Variants in TEX264 observed in about 807,000 individuals in gnomAD.
TEX264 encodes testis-expressed protein 264.
TEX264 carries 13 observed loss-of-function variants against 23.4 expected under a neutral mutation model. The observed-to-expected ratio is 0.56, with a 90% CI of 0.36 to 0.88. TEX264 has a LOEUF of 0.88. Ranked by LOEUF, TEX264 falls within the 40% of genes least tolerant of loss-of-function variation. The pLI, the probability that TEX264 is intolerant of heterozygous loss-of-function variation, is 0.01. For missense variants in TEX264, 340 were observed against 406.8 expected (o/e 0.84, Z 1.41); for synonymous variants, 159 against 170.0 (o/e 0.94, Z 0.50).
intron 3 of TEX264, among the ~76,000 whole-genome samples, chr3:51,697,226 G>A (rs1004342638): frequency 5.3e-4 from 81 of 152,244 alleles, no homozygotes; most frequent in Admixed American, 1.3e-4. Flanking sequence ...GCCTGCCAAC[G>A]AGGGGGCTGG....
At chr3:51,694,068 TC>T (rs1405488640) in intron 3 of TEX264, among the ~76,000 whole-genome samples, 4 of 112,930 alleles carry the variant, frequency 3.5e-5, no homozygotes, top group South Asian at 3.8e-4. Context: ...TCCCTTCCCT[TC>T]CCCTTCCTTC....
chr3:51,674,508 C>T lies in TEX264; in HGVS notation c.204C>T (p.Cys68=), dbSNP rs1482693140. The T allele has an allele frequency of 6.2e-7, 1 of 1,614,212 alleles. No individual in the cohort carries two copies. The stretch of plus-strand genomic sequence containing the variant: ...CTGGGCGGCTTTTCACTGAGAGCTG[C>T]AGCATCTCTCCCAAGCTCCGCTCCA... ...GETGRLFTES[C]SISPKLRSIA... The change falls in exon 2 of 5, where the codon TGC becomes TGT. Residue 68 remains cysteine, a synonymous_variant. Coordinates refer to ENST00000341333, the MANE Select transcript of TEX264 (RefSeq NM_015926.6).
At chr3:51,689,917 T>C (rs904570104) in intron 3 of TEX264, among the ~76,000 whole-genome samples, 2 of 152,140 alleles carry the variant, frequency 1.3e-5, no homozygotes, top group African/African-American at 4.8e-5. Context: ...CCTGGGGAGC[T>C]GCAGGTTGGA....
At chr3:51,674,612 G>T in intron 2 of TEX264, 50 bp downstream of exon 2, 1 of 1,593,312 alleles carries the variant, frequency 6.3e-7, no homozygotes. Context: ...TGGTGGGCCA[G>T]GGCTTCTTTG....
chr3:51,681,748 A>T (rs962901551), intron 2 of TEX264: 4 of 152,222 alleles, frequency 2.6e-5, no homozygotes, highest in African/African-American at 9.7e-5. Context: ...GCAGACACTC[A>T]GTTGGTGCCT....
chr3:51,688,933 C>A (rs1490201483), intron 3 of TEX264, among the ~76,000 whole-genome samples: 1 of 151,754 alleles, frequency 6.6e-6, no homozygotes. Context: ...TCCAGACCAG[C>A]CTGGGCAACA....
At chr3:51,672,543 G>C (rs1031907433) in intron 1 of TEX264, among the ~76,000 whole-genome samples, 2 of 152,210 alleles carry the variant, frequency 1.3e-5, no homozygotes, top group African/African-American at 4.8e-5. Context: ...GCAAGTGGGG[G>C]CCTAGATGCT....
chr3:51,674,185 A>T, intron 1 of TEX264, 86 bp from the exon 2 acceptor site: 2 of 1,434,356 alleles, frequency 1.4e-6, no homozygotes, highest in Non-Finnish European at 1.9e-6. Context: ...AGGTCTGAGG[A>T]GGTTGGGCCA....
chr3:51,685,399 CGTT>C (rs774342405), intron 3 of TEX264, among the ~76,000 whole-genome samples: 5 of 152,134 alleles, frequency 3.3e-5, no homozygotes, highest in Non-Finnish European at 7.3e-5. Context: ...GTGAATGAAA[CGTT>C]GGTGCATGAA....
At position 51,684,316 on chromosome 3, in the gene TEX264, G is replaced by T. The variant is rs773820347; in HGVS notation, c.259-97G>T. On this transcript the variant is annotated intron_variant, in intron 2 of 4. Transcript: ENST00000341333. ...GCTGCATGGCTTGTCAGAGCTGCTG[G>T]TTCTTTTAGGCCTGATCTGGCACAG... 109 of 1,123,276 alleles carry T rather than the reference G, an allele frequency of 9.7e-5. No homozygotes were observed. The African/African-American group carries it at 1.6e-3, about 16-fold the overall frequency. 69.6% of individuals were successfully genotyped at this position (1,123,276 alleles called of 1,614,324 possible).
At chr3:51,687,745 C>T (rs144132017) in intron 3 of TEX264, among the ~76,000 whole-genome samples, 1 of 152,232 alleles carries the variant, frequency 6.6e-6, no homozygotes, top group Non-Finnish European at 1.5e-5. Flanking sequence ...GTGAATGGAT[C>T]TTAGCTTCGG....
In TEX264 at chr3:51,684,380, G is replaced by A. The variant is rs371867561; in HGVS notation, c.259-33G>A. On this transcript the variant is annotated intron_variant, in intron 2 of 4. Transcript: ENST00000341333. ...GAGGTCTGAGGGCCTCCTTCCTTTGGCCAACTCTCACACCCATGCTTTGCT... is the reference window on the plus strand; with the variant it reads ...GAGGTCTGAGGGCCTCCTTCCTTTGACCAACTCTCACACCCATGCTTTGCT... 4.4e-6 allele frequency: 7 copies of A among 1,604,534 alleles called. No homozygotes were observed. In the African/African-American group the frequency reaches 5.4e-5, roughly 12 times the overall value.
intron 4 of TEX264, among the ~76,000 whole-genome samples, chr3:51,701,698 C>G (rs1703311000): frequency 6.6e-6 from 1 of 152,114 alleles, no homozygotes; most frequent in South Asian, 2.1e-4. Context: ...ATGGCATGAT[C>G]TTGGCTCACT....
chr3:51,696,955 G>A (rs975570888), intron 3 of TEX264, among the ~76,000 whole-genome samples: 1 of 152,222 alleles, frequency 6.6e-6, no homozygotes, highest in South Asian at 2.1e-4. Context: ...GCAGGCTCTG[G>A]GACCTGGTGC....
intron 3 of TEX264, 150 bp from the exon 4 acceptor site, chr3:51,699,256 C>A: frequency 2.7e-6 from 2 of 739,448 alleles, no homozygotes; most frequent in East Asian, 2.6e-5. Flanking sequence ...GTGTGCCTCC[C>A]TCAGCAGGGC....
At position 51,703,746 on chromosome 3, in the gene TEX264, G is replaced by A. The variant is rs1162492751; in HGVS notation, c.672G>A (p.Thr224=). ...DGTGADTMSD[T]SSVSLEVSPG... The stretch of plus-strand genomic sequence containing the variant: ...TAGGAGCTGACACAATGAGTGACAC[G>A]AGTTCTGTAAGCTTGGAAGTGAGCC... Residue 224 remains threonine (T), a synonymous_variant, in exon 5 of 5, where the codon ACG becomes ACA. Coordinates refer to ENST00000341333, the MANE Select transcript of TEX264 (RefSeq NM_015926.6). This position sits in a 1 kb window ranked among gnomAD's most constrained non-coding sequence, Gnocchi z 4.8. 8.8e-6 allele frequency: 14 copies of A among 1,594,322 alleles called. No individual in the cohort carries two copies. Among genetic ancestry groups the A allele is most frequent in the East Asian group, 2.3e-5 (1 of 44,362 alleles).
intron 1 of TEX264, among the ~76,000 whole-genome samples, chr3:51,673,375 G>T (rs1436401239): frequency 6.6e-6 from 1 of 152,198 alleles, no homozygotes; most frequent in Non-Finnish European, 1.5e-5. Flanking sequence ...TAGGCAGCCT[G>T]CCTTGAATAG....
At chr3:51,698,813 G>A (rs1559683464) in intron 3 of TEX264, among the ~76,000 whole-genome samples, 1 of 152,194 alleles carries the variant, frequency 6.6e-6, no homozygotes, top group Non-Finnish European at 1.5e-5. Context: ...AACTAGCAGG[G>A]GAATGAATGG....
intron 2 of TEX264, among the ~76,000 whole-genome samples, chr3:51,676,237 G>A (rs779172538): frequency 7.2e-5 from 11 of 152,244 alleles, no homozygotes; most frequent in Non-Finnish European, 1.3e-4. Flanking sequence ...AAGAGTCCTT[G>A]CAGCTGGCTG....
Sources: allele counts gnomAD v4.1 joint callset (sites outside exome capture counted in the v4.1 genomes callset), GRCh38; gene constraint gnomAD v4.1.1; non-coding constraint Gnocchi (gnomAD v3.1); transcripts MANE v1.5; gene names NCBI Gene and HGNC (gene_info 2026-07-23, HGNC 2026-07-21).